Variants in ITGA9 observed in about 807,000 individuals in gnomAD.
ITGA9 encodes integrin alpha-9.
ITGA9 carries 56 observed loss-of-function variants against 127.8 expected under a neutral mutation model. That is an observed-to-expected ratio of 0.44 (90% confidence interval 0.35 to 0.55). The LOEUF is 0.55. Ranked by LOEUF, ITGA9 falls within the 20% of genes least tolerant of loss-of-function variation. The pLI is 0.00. For missense variants in ITGA9, 1,196 were observed against 1,347.1 expected, an observed-to-expected ratio of 0.89 and a Z score of 1.76; for synonymous variants, 508 against 514.5, an observed-to-expected ratio of 0.99 and a Z score of 0.17.
intron 16 of ITGA9, among the ~76,000 whole-genome samples, chr3:37,638,573 A>T (rs1238120846): frequency 6.6e-6 from 1 of 152,174 alleles, no homozygotes; most frequent in African/African-American, 2.4e-5. Flanking sequence ...GTATATATAC[A>T]CAACAGTTTG....
intron 22 of ITGA9, chr3:37,748,954 AAAAG>A: frequency 3.1e-6 from 2 of 645,158 alleles, no homozygotes; most frequent in Non-Finnish European, 5.5e-6. Context: ...AAAAAAAGAA[AAAAG>A]AAAAATCCTT....
At chr3:37,489,879 G>T (rs1698650272) in intron 4 of ITGA9, among the ~76,000 whole-genome samples, 1 of 152,140 alleles carries the variant, frequency 6.6e-6, no homozygotes, top group South Asian at 2.1e-4. Context: ...TTCTACTGAA[G>T]CGTGCGACTT....
chr3:37,608,412 G>C (rs1699988286), intron 15 of ITGA9, among the ~76,000 whole-genome samples: 2 of 150,518 alleles, frequency 1.3e-5, no homozygotes, highest in Non-Finnish European at 3.0e-5. Flanking sequence ...AGATTTAGTG[G>C]AAAATGACTC....
chr3:37,496,556 G>A (rs994746048), intron 5 of ITGA9, among the ~76,000 whole-genome samples: 3 of 152,146 alleles, frequency 2.0e-5, no homozygotes, highest in Non-Finnish European at 4.4e-5. Context: ...TCCTTCTGCC[G>A]TCTTGCTTCC....
chr3:37,816,007 A>G (rs1031606029), intron 27 of ITGA9, among the ~76,000 whole-genome samples: 4 of 152,174 alleles, frequency 2.6e-5, no homozygotes, highest in African/African-American at 9.7e-5. Flanking sequence ...AAGTGTGCAC[A>G]GCCCCTTGGG....
intron 22 of ITGA9, chr3:37,748,395 C>T: frequency 3.3e-6 from 2 of 600,554 alleles, no homozygotes; most frequent in Non-Finnish European, 6.3e-6. Flanking sequence ...GTATTGAGCA[C>T]ATTAAGCACT....
Position 37,606,628 on chromosome 3 carries a change from G to A in ITGA9, c.1690-22559G>A, listed in dbSNP as rs116155444. Among the ~76,000 whole-genome samples, 1,105 of 152,310 alleles carry A rather than the reference G, an allele frequency of 7.3e-3. 5 individuals are homozygous for A. The highest frequency in any genetic ancestry group is 0.012 in the Non-Finnish European group (800 of 68,038). On this transcript the variant is annotated intron_variant, in intron 15 of 27. Coordinates refer to ENST00000264741, the MANE Select transcript of ITGA9 (RefSeq NM_002207.3). Reference sequence around the variant, plus strand: ...GGGAATGCTGTGGTGCATACTTTGTGTTGGACAGTTATGGGGGATTGCTTT... The same window carrying A: ...GGGAATGCTGTGGTGCATACTTTGTATTGGACAGTTATGGGGGATTGCTTT...
intron 17 of ITGA9, among the ~76,000 whole-genome samples, chr3:37,662,954 G>A (rs1012616976): frequency 6.6e-6 from 1 of 152,196 alleles, no homozygotes; most frequent in Non-Finnish European, 1.5e-5. Flanking sequence ...CAGAGATCAA[G>A]CCATAGGAAA....
At chr3:37,479,370 A>G (rs892425219) in intron 3 of ITGA9, among the ~76,000 whole-genome samples, 1 of 152,216 alleles carries the variant, frequency 6.6e-6, no homozygotes, top group Non-Finnish European at 1.5e-5. Context: ...CTGTAGTTTA[A>G]TGTCATACGA....
At chr3:37,662,775 C>T (rs934139439) in intron 17 of ITGA9, among the ~76,000 whole-genome samples, 2 of 152,140 alleles carry the variant, frequency 1.3e-5, no homozygotes, top group African/African-American at 2.4e-5. Context: ...ACTCACTGTA[C>T]GAAAAGTCGA....
At chr3:37,769,672 T>C (rs1696820555) in intron 23 of ITGA9, among the ~76,000 whole-genome samples, 1 of 152,202 alleles carries the variant, frequency 6.6e-6, no homozygotes, top group Admixed American at 6.5e-5. Flanking sequence ...CTTTTGCACA[T>C]GCTGTTCTCT....
chr3:37,474,191 T>G (rs926600552), intron 3 of ITGA9, among the ~76,000 whole-genome samples: 1 of 152,198 alleles, frequency 6.6e-6, no homozygotes, highest in Non-Finnish European at 1.5e-5. Flanking sequence ...AAGAAAAGTC[T>G]TTGCATTTGA....
chr3:37,807,393 A>G (rs1697311887), intron 27 of ITGA9: 1 of 152,238 alleles, frequency 6.6e-6, no homozygotes, highest in Non-Finnish European at 1.5e-5. Flanking sequence ...GTAGATGAAG[A>G]TTCCATCCAG....
chr3:37,462,377 A>G (rs1188504779), intron 1 of ITGA9, among the ~76,000 whole-genome samples: 1 of 152,184 alleles, frequency 6.6e-6, no homozygotes, highest in African/African-American at 2.4e-5. Flanking sequence ...CCCTCCATTT[A>G]CTGTAACCTA....
At chr3:37,639,347 G>C (rs1448340864) in intron 16 of ITGA9, among the ~76,000 whole-genome samples, 1 of 152,184 alleles carries the variant, frequency 6.6e-6, no homozygotes, top group Non-Finnish European at 1.5e-5. Flanking sequence ...AATTTACAAA[G>C]TGAGATTTAG....
At chr3:37,645,339 C>T (rs897493900) in intron 16 of ITGA9, among the ~76,000 whole-genome samples, 25 of 152,216 alleles carry the variant, frequency 1.6e-4, no homozygotes, top group Admixed American at 5.2e-4. Flanking sequence ...GAGGCTGAGA[C>T]GGGCAGATCA....
At chr3:37,602,082 C>T (rs1234507403) in intron 15 of ITGA9, among the ~76,000 whole-genome samples, 1 of 152,164 alleles carries the variant, frequency 6.6e-6, no homozygotes, top group Non-Finnish European at 1.5e-5. Flanking sequence ...CACAATGGAT[C>T]CGTCCCCATG....
intron 18 of ITGA9, among the ~76,000 whole-genome samples, chr3:37,698,653 A>G (rs1162385399): frequency 6.6e-6 from 1 of 152,048 alleles, no homozygotes; most frequent in African/African-American, 2.4e-5. Flanking sequence ...TTTTTATACC[A>G]GTTTTCGTGT....
chr3:37,569,833 G>T (rs900726004), intron 15 of ITGA9, among the ~76,000 whole-genome samples: 1 of 152,118 alleles, frequency 6.6e-6, no homozygotes, highest in South Asian at 2.1e-4. Context: ...AAATGAATAT[G>T]AAGTTTAGCC....
Sources: allele counts gnomAD v4.1 joint callset (sites outside exome capture counted in the v4.1 genomes callset), GRCh38; gene constraint gnomAD v4.1.1; transcripts MANE v1.5; gene names NCBI Gene and HGNC (gene_info 2026-07-23, HGNC 2026-07-21).